SPTLC1: variants seen among roughly 807,000 people sequenced by gnomAD.
SPTLC1 encodes the protein serine palmitoyltransferase 1.
In SPTLC1, 55 loss-of-function variants were observed where a neutral mutation model predicts 68.9. The ratio of observed to expected loss-of-function variants is 0.80; its 90% CI spans 0.64 to 1.00. The LOEUF (loss-of-function observed/expected upper bound fraction) is 1.00, where lower values mean the gene tolerates loss of function less well. Among genes scored for constraint, SPTLC1 ranks in the 50% least tolerant of loss-of-function variants. SPTLC1 has a pLI of 0.00. For missense variants in SPTLC1, 449 were observed against 573.1 expected (o/e 0.78, Z 2.21); for synonymous variants, 197 against 201.6 (o/e 0.98, Z 0.19).
At chr9:92,074,948 T>C (rs1290237815) in intron 5 of SPTLC1, among the ~76,000 whole-genome samples, 2 of 152,020 alleles carry the variant, frequency 1.3e-5, no homozygotes, top group Non-Finnish European at 2.9e-5. Context: ...CACCCACCAG[T>C]CCCAACAACT....
At chr9:92,056,857 C>G (rs1833909968) in intron 7 of SPTLC1, among the ~76,000 whole-genome samples, 1 of 152,212 alleles carries the variant, frequency 6.6e-6, no homozygotes, top group East Asian at 1.9e-4. Flanking sequence ...CATCTTTACT[C>G]TGTCAACTCA....
chr9:92,079,974 A>G (rs368460079), intron 5 of SPTLC1, 42 bp downstream of exon 5: 4 of 1,531,558 alleles, frequency 2.6e-6, no homozygotes, highest in Middle Eastern at 1.7e-4. Context: ...AATCTTAACT[A>G]TTGAAAGCAG....
rs541120410 is a variant in SPTLC1 at position 92,088,217 on chromosome 9, A to G, written c.261-7254T>C. ...CGCTTCCCAAGTAAGGCAATGCCTCACCCTGCTTCAGCTCGCACATGGTGC... is the reference window on the plus strand; with the variant it reads ...CGCTTCCCAAGTAAGGCAATGCCTCGCCCTGCTTCAGCTCGCACATGGTGC... On this transcript the variant is annotated intron_variant, in intron 3 of 14. Coordinates refer to ENST00000262554, the MANE Select transcript of SPTLC1 (RefSeq NM_006415.4). Among the ~76,000 whole-genome samples, 12 of 152,276 alleles carry G rather than the reference A, an allele frequency of 7.9e-5. No homozygotes were observed. In the East Asian group the frequency reaches 2.3e-3, roughly 29 times the overall value.
At chr9:92,054,236 G>A (rs562547787) in intron 8 of SPTLC1, among the ~76,000 whole-genome samples, 1 of 152,314 alleles carries the variant, frequency 6.6e-6, no homozygotes, top group South Asian at 2.1e-4. Flanking sequence ...AGCCGAGATC[G>A]TGCCATTGCA....
chr9:92,086,937 T>C (rs916447544), intron 3 of SPTLC1, among the ~76,000 whole-genome samples: 4 of 151,920 alleles, frequency 2.6e-5, no homozygotes, highest in Non-Finnish European at 2.9e-5. Flanking sequence ...AGGCTTTGTT[T>C]GTTTCTTTTT....
chr9:92,043,475 T>A (rs576568194), intron 12 of SPTLC1, among the ~76,000 whole-genome samples: 2 of 152,322 alleles, frequency 1.3e-5, no homozygotes, highest in East Asian at 1.9e-4. Context: ...GGGCTTAACA[T>A]AACCACTGCT....
chr9:92,102,600 G>A (rs1835795924), intron 3 of SPTLC1, among the ~76,000 whole-genome samples: 1 of 152,090 alleles, frequency 6.6e-6, no homozygotes, highest in Non-Finnish European at 1.5e-5. Flanking sequence ...GCTTTAAATA[G>A]TCTATCATAA....
At chr9:92,057,067 G>A (rs1033296282) in intron 7 of SPTLC1, among the ~76,000 whole-genome samples, 3 of 152,154 alleles carry the variant, frequency 2.0e-5, no homozygotes, top group Non-Finnish European at 2.9e-5. Context: ...CATACCACAC[G>A]GTGATAATTT....
intron 5 of SPTLC1, chr9:92,079,231 A>T: frequency 2.2e-6 from 1 of 461,586 alleles, no homozygotes; most frequent in African/African-American, 2.0e-5. Flanking sequence ...ATCCACCACC[A>T]CGCCCAGCTA....
intron 13 of SPTLC1, among the ~76,000 whole-genome samples, chr9:92,037,730 T>C (rs371643068): frequency 2.3e-4 from 35 of 152,236 alleles, no homozygotes; most frequent in African/African-American, 8.2e-4. Context: ...TTTAAATAAA[T>C]CTCCCCAAAT....
At chr9:92,105,730 G>A (rs1167349811) in intron 3 of SPTLC1, among the ~76,000 whole-genome samples, 6 of 146,952 alleles carry the variant, frequency 4.1e-5, no homozygotes, top group Non-Finnish European at 9.0e-5. Flanking sequence ...CCGCCTCACA[G>A]CCCGGGAAGT....
At chr9:92,070,496 G>A (rs1021387618) in intron 5 of SPTLC1, among the ~76,000 whole-genome samples, 2 of 152,206 alleles carry the variant, frequency 1.3e-5, no homozygotes, top group African/African-American at 2.4e-5. Context: ...AGAGGGAGGT[G>A]TCCTAGAATG....
chr9:92,053,964 A>T (rs1411355291), intron 8 of SPTLC1: 1 of 985,300 alleles, frequency 1.0e-6, no homozygotes, highest in Non-Finnish European at 1.2e-6. Context: ...TTCTAAAAAC[A>T]GTTATGCTGC....
At chr9:92,067,030 G>A (rs1161345328) in intron 6 of SPTLC1, among the ~76,000 whole-genome samples, 1 of 151,942 alleles carries the variant, frequency 6.6e-6, no homozygotes, top group African/African-American at 2.4e-5. Context: ...AGGTGCGGTG[G>A]CTCACGCCTG....
chr9:92,104,651 G>T, intron 3 of SPTLC1: 1 of 1,506,162 alleles, frequency 6.6e-7, no homozygotes. Flanking sequence ...GAAGATGGAG[G>T]TGAGGGCAGA....
chr9:92,039,935 C>G (rs982052820), intron 12 of SPTLC1, among the ~76,000 whole-genome samples: 1 of 152,170 alleles, frequency 6.6e-6, no homozygotes, highest in South Asian at 2.1e-4. Flanking sequence ...TGTGGGGGAA[C>G]CTTCTAGATT....
intron 7 of SPTLC1, 128 bp downstream of exon 7, chr9:92,059,051 A>G: frequency 9.0e-7 from 1 of 1,109,564 alleles, no homozygotes; most frequent in Non-Finnish European, 1.3e-6. Context: ...ACATTTAATA[A>G]GCAGGAACAC....
chr9:92,103,218 A>C (rs1275289463), intron 3 of SPTLC1, among the ~76,000 whole-genome samples: 1 of 152,218 alleles, frequency 6.6e-6, no homozygotes, highest in Non-Finnish European at 1.5e-5. Context: ...ACGAGAAAGA[A>C]CATCTGGGGT....
chr9:92,075,242 C>T (rs1182236), intron 5 of SPTLC1, among the ~76,000 whole-genome samples: 2,855 of 152,180 alleles, frequency 0.019, 65 homozygotes, highest in South Asian at 0.081. Flanking sequence ...TCCAGCAGAC[C>T]GTATTCAGCT....
Sources: allele counts gnomAD v4.1 joint callset (sites outside exome capture counted in the v4.1 genomes callset), GRCh38; gene constraint gnomAD v4.1.1; transcripts MANE v1.5; gene names NCBI Gene and HGNC (gene_info 2026-07-23, HGNC 2026-07-21).